The following LPP variants were observed in gnomAD, a reference collection of about 807,000 sequenced individuals.
The protein encoded by LPP is lipoma-preferred partner.
A neutral mutation model predicts 60.4 loss-of-function variants in LPP; 38 were observed. The ratio of observed to expected loss-of-function variants is 0.63; its 90% confidence interval spans 0.49 to 0.83. The LOEUF (loss-of-function observed/expected upper bound fraction) is 0.83, where lower values mean the gene tolerates loss of function less well. Among genes scored for constraint, LPP ranks in the 40% least tolerant of loss-of-function variants. The pLI is 0.00. For missense variants in LPP, 902 were observed against 783.6 expected, an observed-to-expected ratio of 1.15 and a Z score of -1.80; for synonymous variants, 328 against 290.8, an observed-to-expected ratio of 1.13 and a Z score of -1.30.
At chr3:188,232,748 A>G (rs571597696) in intron 2 of LPP, among the ~76,000 whole-genome samples, 2 of 152,260 alleles carry the variant, frequency 1.3e-5, no homozygotes, top group South Asian at 2.1e-4. Flanking sequence ...CAAGGACAAC[A>G]TGGTAAAGAG....
intron 6 of LPP, among the ~76,000 whole-genome samples, chr3:188,534,546 A>G (rs563176617): frequency 1.4e-4 from 22 of 152,310 alleles, no homozygotes; most frequent in African/African-American, 3.4e-4. Flanking sequence ...ATGAAACCCC[A>G]TAGTTCCTTT....
intron 1 of LPP, among the ~76,000 whole-genome samples, chr3:188,187,913 T>C (rs1367911877): frequency 6.6e-6 from 1 of 152,162 alleles, no homozygotes; most frequent in Non-Finnish European, 1.5e-5. Context: ...TTCTTTTTTT[T>C]CTCTACTGAA....
intron 1 of LPP, among the ~76,000 whole-genome samples, chr3:188,187,137 G>A (rs1726836755): frequency 6.6e-6 from 1 of 152,082 alleles, no homozygotes; most frequent in Admixed American, 6.6e-5. Context: ...ATGGATACAT[G>A]CATATAGGCA....
chr3:188,338,011 T>C (rs955314453), intron 2 of LPP, among the ~76,000 whole-genome samples: 3 of 152,234 alleles, frequency 2.0e-5, no homozygotes, highest in African/African-American at 4.8e-5. Context: ...ATACATTCCA[T>C]TGATAGAGCC....
At chr3:188,844,746 C>G (rs1761005446) in intron 9 of LPP, among the ~76,000 whole-genome samples, 1 of 152,160 alleles carries the variant, frequency 6.6e-6, no homozygotes, top group South Asian at 2.1e-4. Context: ...ATTTAGAGGG[C>G]TAAATTTTTA....
chr3:188,170,912 A>C (rs992008606), intron 1 of LPP, among the ~76,000 whole-genome samples: 3 of 152,186 alleles, frequency 2.0e-5, no homozygotes, highest in African/African-American at 7.2e-5. Context: ...ATGCTAGATG[A>C]GGTAGAGGAT....
chr3:188,684,905 G>A (rs1860349007), intron 7 of LPP, among the ~76,000 whole-genome samples: 1 of 152,196 alleles, frequency 6.6e-6, no homozygotes, highest in South Asian at 2.1e-4. Flanking sequence ...CCCTGAATAT[G>A]TGCTAAAAGC....
At chr3:188,774,293 C>G (rs1737018160) in intron 9 of LPP, among the ~76,000 whole-genome samples, 1 of 152,140 alleles carries the variant, frequency 6.6e-6, no homozygotes, top group Non-Finnish European at 1.5e-5. Context: ...CAAGCACTTC[C>G]TACTGTACTT....
At chr3:188,588,674 G>A (rs1838021048) in intron 6 of LPP, among the ~76,000 whole-genome samples, 1 of 152,186 alleles carries the variant, frequency 6.6e-6, no homozygotes, top group African/African-American at 2.4e-5. Context: ...AGGACTAGTA[G>A]ATTGTATGTA....
intron 3 of LPP, among the ~76,000 whole-genome samples, chr3:188,386,259 T>C (rs975551202): frequency 8.0e-6 from 1 of 125,560 alleles, no homozygotes; most frequent in Non-Finnish European, 1.7e-5. Flanking sequence ...AGTCATAGCA[T>C]GCGCGCACAC....
chr3:188,292,832 C>T (rs996007090), intron 2 of LPP, among the ~76,000 whole-genome samples: 23 of 152,200 alleles, frequency 1.5e-4, no homozygotes, highest in Non-Finnish European at 3.2e-4. Flanking sequence ...ACCTCCTTGA[C>T]CCCTTGACTT....
intron 6 of LPP, chr3:188,568,316 T>C (rs1319948265): frequency 6.6e-6 from 1 of 152,020 alleles, no homozygotes; most frequent in Non-Finnish European, 1.5e-5. Flanking sequence ...ATGAGAAAGA[T>C]AGACTGGTAA....
intron 9 of LPP, among the ~76,000 whole-genome samples, chr3:188,787,943 G>A (rs1200702808): frequency 6.6e-6 from 1 of 152,124 alleles, no homozygotes; most frequent in Non-Finnish European, 1.5e-5. Context: ...TGGCCCATAG[G>A]CCCACAAATG....
intron 3 of LPP, among the ~76,000 whole-genome samples, chr3:188,400,554 G>A (rs891760784): frequency 2.0e-5 from 3 of 152,310 alleles, no homozygotes; most frequent in South Asian, 4.1e-4. Context: ...CAGCAGAGGA[G>A]TTGATAAGTG....
In LPP at chr3:188,403,126, G is replaced by GAGC. The variant is rs377441271; in HGVS notation, c.-9-2982_-9-2980dup. 5.2e-3 allele frequency among the ~76,000 whole-genome samples: 788 copies of GAGC among 152,274 alleles called. 9 individuals carry two copies. Among genetic ancestry groups the GAGC allele is most frequent in the African/African-American group, 0.018 (746 of 41,536 alleles). On this transcript the variant is annotated intron_variant, in intron 3 of 11. Coordinates refer to ENST00000617246, the MANE Select transcript of LPP (RefSeq NM_001375462.1). The stretch of plus-strand genomic sequence containing the variant: ...GGTCAGAAGATGGGCCTCTCAGGAG[G>GAGC]AGCAGCTGGAGGTGCTTCTTCATGG...
intron 1 of LPP, among the ~76,000 whole-genome samples, chr3:188,154,869 G>A (rs62289744): frequency 0.087 from 13,314 of 152,192 alleles, 658 homozygotes; most frequent in African/African-American, 0.1. Flanking sequence ...GAGCAAAGGC[G>A]TGGACAAAGT....
chr3:188,432,374 C>A (rs1292369997), intron 4 of LPP, among the ~76,000 whole-genome samples: 1 of 152,104 alleles, frequency 6.6e-6, no homozygotes, highest in African/African-American at 2.4e-5. Context: ...GGAGAGACGT[C>A]CTCTAAATCT....
At chr3:188,409,006 G>T (rs1784312343) in intron 4 of LPP, among the ~76,000 whole-genome samples, 1 of 152,118 alleles carries the variant, frequency 6.6e-6, no homozygotes, top group Admixed American at 6.5e-5. Context: ...TCGTCCTTAT[G>T]TTCCTCATAG....
chr3:188,318,422 A>C (rs71633235), intron 2 of LPP, among the ~76,000 whole-genome samples: 20 of 151,518 alleles, frequency 1.3e-4, no homozygotes, highest in Admixed American at 2.6e-4. Context: ...AAAAAACAAA[A>C]AAAAAAAAGA....
Sources: gnomAD v4.1 joint callset for allele counts (sites outside exome capture counted in the v4.1 genomes callset) on GRCh38, gnomAD v4.1.1 for gene constraint, MANE v1.5 for transcripts, NCBI Gene and HGNC (gene_info 2026-07-23, HGNC 2026-07-21) for gene names.